Variants in PARM1 observed in about 807,000 individuals in gnomAD.
PARM1 encodes the protein prostate androgen-regulated mucin-like protein 1, also known as WSC4, cell wall integrity and stress response component 4 homolog.
Under a neutral mutation model 24.6 loss-of-function variants are expected in PARM1, and 14 were observed. The observed-to-expected ratio is 0.57, with a 90% CI of 0.38 to 0.89. The LOEUF is 0.89. Ranked by LOEUF, PARM1 falls within the 40% of genes least tolerant of loss-of-function variation. The pLI is 0.00. For missense variants in PARM1, 362 were observed against 380.4 expected (o/e 0.95, Z 0.40); for synonymous variants, 179 against 156.6 (o/e 1.14, Z -1.07).
At chr4:75,013,288 A>C (rs1309286816) in intron 2 of PARM1, 138 bp downstream of exon 2, 1 of 904,754 alleles carries the variant, frequency 1.1e-6, no homozygotes, top group African/African-American at 1.7e-5. Flanking sequence ...AAGAATTTCC[A>C]CGAGTGCAAA....
intron 1 of PARM1, chr4:74,999,001 C>G (rs1253861661): frequency 2.0e-5 from 3 of 152,294 alleles, no homozygotes; most frequent in Non-Finnish European, 2.9e-5. Flanking sequence ...CATAGAGTGT[C>G]CCTGACGGGA....
intron 1 of PARM1, among the ~76,000 whole-genome samples, chr4:74,997,192 GGTGTA>G (rs1722590363): frequency 6.6e-6 from 1 of 152,122 alleles, no homozygotes; most frequent in African/African-American, 2.4e-5. Flanking sequence ...CTAGAGAGAA[GGTGTA>G]TCCATAGTCT....
chr4:75,001,467 G>A (rs1722679359), intron 1 of PARM1, among the ~76,000 whole-genome samples: 1 of 152,178 alleles, frequency 6.6e-6, no homozygotes, highest in South Asian at 2.1e-4. Flanking sequence ...CATTATCTTT[G>A]GAGAGTTAAG....
At position 74,998,458 on chromosome 4, in the gene PARM1, T is replaced by G. The variant is rs192108078; in HGVS notation, c.44-13967T>G. ...GTAATTAATTATACAAAATGAGGAT[T>G]CACCATGGAGTTTCTTCAAACATCC... On this transcript the variant is annotated intron_variant, in intron 1 of 3. Transcript: ENST00000307428. Among the ~76,000 whole-genome samples, 38 of 152,326 alleles carry G rather than the reference T, an allele frequency of 2.5e-4. No homozygotes were observed. In the East Asian group the frequency reaches 7.3e-3, roughly 29 times the overall value.
intron 1 of PARM1, among the ~76,000 whole-genome samples, chr4:74,949,682 A>G (rs7697280): frequency 0.13 from 20,256 of 152,160 alleles, 1,806 homozygotes; most frequent in African/African-American, 0.25. Flanking sequence ...TTAGAACATC[A>G]CCTAGGCAAG....
intron 2 of PARM1, among the ~76,000 whole-genome samples, chr4:75,017,045 C>A (rs1456736521): frequency 6.6e-6 from 1 of 152,140 alleles, no homozygotes; most frequent in Non-Finnish European, 1.5e-5. Context: ...CAGGCCAAAA[C>A]CCTCAAAGTA....
intron 1 of PARM1, among the ~76,000 whole-genome samples, chr4:74,933,658 C>G (rs1721115097): frequency 1.3e-5 from 2 of 152,224 alleles, no homozygotes. Context: ...CCAGAGTGGG[C>G]AACACGGACT....
intron 1 of PARM1, among the ~76,000 whole-genome samples, chr4:74,941,438 G>C (rs1276931742): frequency 6.6e-6 from 1 of 152,160 alleles, no homozygotes; most frequent in Non-Finnish European, 1.5e-5. Context: ...AGTTTCATGA[G>C]TCCAAGAAAA....
At chr4:74,943,987 G>A (rs948155948) in intron 1 of PARM1, among the ~76,000 whole-genome samples, 2 of 152,164 alleles carry the variant, frequency 1.3e-5, no homozygotes, top group African/African-American at 4.8e-5. Context: ...CTAAGCAATG[G>A]ATAGAAGGGA....
At chr4:75,045,604 T>A (rs747928509) in intron 3 of PARM1, among the ~76,000 whole-genome samples, 21 of 152,330 alleles carry the variant, frequency 1.4e-4, no homozygotes, top group Non-Finnish European at 2.6e-4. Flanking sequence ...GGCACTTCAA[T>A]TAACATCTCT....
intron 3 of PARM1, among the ~76,000 whole-genome samples, chr4:75,042,617 C>A (rs1438918379): frequency 1.4e-4 from 21 of 151,644 alleles, no homozygotes; most frequent in African/African-American, 4.8e-4. Context: ...TATGCAAATG[C>A]CAATCTGAAA....
At chr4:75,042,361 G>A (rs1723506347) in intron 3 of PARM1, among the ~76,000 whole-genome samples, 1 of 152,172 alleles carries the variant, frequency 6.6e-6, no homozygotes, top group Non-Finnish European at 1.5e-5. Context: ...AAGACTTTTA[G>A]TAAATAAAAT....
chr4:74,988,350 A>C (rs1722398249), intron 1 of PARM1, among the ~76,000 whole-genome samples: 2 of 152,222 alleles, frequency 1.3e-5, no homozygotes, highest in Non-Finnish European at 2.9e-5. Context: ...TGCAACTGTA[A>C]GAGAGATGGC....
chr4:74,995,981 C>T (rs1370100953), intron 1 of PARM1, among the ~76,000 whole-genome samples: 1 of 152,016 alleles, frequency 6.6e-6, no homozygotes, highest in Non-Finnish European at 1.5e-5. Flanking sequence ...ATCCTAAGTC[C>T]CAGACATAAG....
At chr4:74,969,112 G>T (rs1721969223) in intron 1 of PARM1, among the ~76,000 whole-genome samples, 1 of 152,208 alleles carries the variant, frequency 6.6e-6, no homozygotes, top group South Asian at 2.1e-4. Flanking sequence ...GAAGGTAGGT[G>T]ATGGTGTGTA....
At chr4:74,994,247 A>G (rs1722531710) in intron 1 of PARM1, 1 of 152,164 alleles carries the variant, frequency 6.6e-6, no homozygotes, top group Admixed American at 6.5e-5. Flanking sequence ...CATAATTACT[A>G]TTAGTTTCAA....
chr4:74,954,230 A>G (rs1578026169), intron 1 of PARM1, among the ~76,000 whole-genome samples: 2 of 152,200 alleles, frequency 1.3e-5, no homozygotes, highest in East Asian at 3.8e-4. Context: ...TTTTTCTTTT[A>G]CTTAATCAGC....
At position 75,020,153 on chromosome 4, in the gene PARM1, T is replaced by C. The variant is rs150388940; in HGVS notation, c.769+7003T>C. Among the ~76,000 whole-genome samples the C allele has an allele frequency of 3.2e-4, 48 of 149,076 alleles. No individual in the cohort carries two copies. In the East Asian group the frequency reaches 9.4e-3, roughly 29 times the overall value. Reference sequence around the variant, plus strand: ...AATTATTTAATTAAAAACAAAAACATAGGTGTGAGAAGACCATGTTAAAGA... The same window carrying C: ...AATTATTTAATTAAAAACAAAAACACAGGTGTGAGAAGACCATGTTAAAGA... On this transcript the variant is annotated intron_variant, in intron 2 of 3. Coordinates refer to ENST00000307428, the MANE Select transcript of PARM1 (RefSeq NM_015393.4).
chr4:74,977,249 T>G (rs1304540844), intron 1 of PARM1, among the ~76,000 whole-genome samples: 4 of 152,004 alleles, frequency 2.6e-5, no homozygotes, highest in Non-Finnish European at 5.9e-5. Context: ...GAATAACCAG[T>G]TTAGAGAGGA....
Sources: gnomAD v4.1 joint callset for allele counts (sites outside exome capture counted in the v4.1 genomes callset) on GRCh38, gnomAD v4.1.1 for gene constraint, MANE v1.5 for transcripts, NCBI Gene and HGNC (gene_info 2026-07-23, HGNC 2026-07-21) for gene names.